The following JAKMIP2 variants were observed in gnomAD, a reference collection of about 807,000 sequenced individuals.
JAKMIP2 encodes janus kinase and microtubule-interacting protein 2.
In JAKMIP2, 25 loss-of-function variants were observed where a neutral mutation model predicts 115.0. The observed-to-expected ratio is 0.22, with a 90% CI of 0.16 to 0.30. The LOEUF (loss-of-function observed/expected upper bound fraction) is 0.30. Ranked by LOEUF, JAKMIP2 falls within the 10% of genes least tolerant of loss-of-function variation. The pLI, the probability that JAKMIP2 is intolerant of heterozygous loss-of-function variation, is 1.00. For missense variants in JAKMIP2, 642 were observed against 957.6 expected (o/e 0.67, Z 4.35); for synonymous variants, 334 against 343.6 (o/e 0.97, Z 0.31).
chr5:147,706,368 A>C (rs1184487393), intron 1 of JAKMIP2, among the ~76,000 whole-genome samples: 4 of 152,118 alleles, frequency 2.6e-5, no homozygotes, highest in Admixed American at 6.6e-5. Flanking sequence ...GGCAAGGAAG[A>C]GGCATGGGGA....
At chr5:147,671,573 G>A in intron 2 of JAKMIP2, 105 bp downstream of exon 2, 2 of 994,570 alleles carry the variant, frequency 2.0e-6, no homozygotes, top group Admixed American at 7.0e-5. Context: ...TCTGGCAAAG[G>A]GCAGGAGTCC....
chr5:147,629,036 G>T (rs1455391139), intron 15 of JAKMIP2, among the ~76,000 whole-genome samples: 1 of 152,110 alleles, frequency 6.6e-6, no homozygotes, highest in African/African-American at 2.4e-5. Context: ...ACACCGATTT[G>T]ATTTTGTGTC....
chr5:147,620,656 T>C lies in JAKMIP2; in HGVS notation c.2142+10A>G. 6.3e-7 allele frequency: 1 copy of C among 1,598,392 alleles called. No homozygotes were observed. The highest frequency in any genetic ancestry group is 2.2e-5 in the East Asian group (1 of 44,708). ...ATACTGCGGGTGTCTCTATCACTTG[T>C]TGTACCTACCATATATGCTTGGTCA... On this transcript the variant is annotated intron_variant, in intron 18 of 21. Coordinates refer to ENST00000616793, the MANE Select transcript of JAKMIP2 (RefSeq NM_001270941.2).
At chr5:147,772,144 A>C (rs1010593455) in intron 1 of JAKMIP2, among the ~76,000 whole-genome samples, 8 of 152,118 alleles carry the variant, frequency 5.3e-5, no homozygotes, top group Non-Finnish European at 1.0e-4. Flanking sequence ...CTTGAAAAAT[A>C]AAGTATTAAA....
chr5:147,702,616 GAAAGAA>G (rs1170150246), intron 1 of JAKMIP2, among the ~76,000 whole-genome samples: 2 of 59,608 alleles, frequency 3.4e-5, no homozygotes, highest in Admixed American at 2.1e-4. Context: ...AAGAAAGAAA[GAAAGAA>G]AGAAAGAAAG....
At chr5:147,610,188 G>A (rs922900837) in intron 20 of JAKMIP2, among the ~76,000 whole-genome samples, 4 of 152,030 alleles carry the variant, frequency 2.6e-5, no homozygotes, top group Admixed American at 6.6e-5. Context: ...CTGTCAATTC[G>A]TCAAACTAAT....
chr5:147,712,970 T>C (rs998805021), intron 1 of JAKMIP2, among the ~76,000 whole-genome samples: 8 of 152,140 alleles, frequency 5.3e-5, no homozygotes, highest in Non-Finnish European at 8.8e-5. Context: ...TTAAGGAATA[T>C]GGATAACGAT....
chr5:147,612,187 A>G, intron 20 of JAKMIP2, 119 bp downstream of exon 20: 1 of 788,748 alleles, frequency 1.3e-6, no homozygotes, highest in Non-Finnish European at 2.3e-6. Flanking sequence ...TACTGTAACT[A>G]TACCTGCCTC....
intron 19 of JAKMIP2, among the ~76,000 whole-genome samples, chr5:147,614,207 C>A (rs1209818627): frequency 2.6e-5 from 4 of 152,042 alleles, no homozygotes; most frequent in Non-Finnish European, 4.4e-5. Flanking sequence ...AGATAAGGCA[C>A]CAGTTAGTTC....
rs1754937116 is a variant in JAKMIP2, at chr5:147,587,811, A to G, written c.*3896T>C. On this transcript the variant is annotated 3_prime_UTR_variant, in exon 22 of 22. Coordinates refer to ENST00000616793, the MANE Select transcript of JAKMIP2 (RefSeq NM_001270941.2). ...AATACTGCAGCAAAATTTATTTGGC[A>G]AACTTTATTTCTCCTATTACTAGTG... is the stretch of plus-strand genomic sequence containing the variant. The G allele has an allele frequency of 1.3e-5, 2 of 152,186 alleles. No homozygotes were observed. The highest frequency in any genetic ancestry group is 4.8e-5 in the African/African-American group (2 of 41,444). 9.4% of individuals were successfully genotyped at this position (152,186 alleles called of 1,614,324 possible).
At chr5:147,668,394 C>T (rs1369866406) in intron 2 of JAKMIP2, among the ~76,000 whole-genome samples, 10 of 152,152 alleles carry the variant, frequency 6.6e-5, no homozygotes, top group Admixed American at 6.5e-4. Flanking sequence ...GGGGCAAATA[C>T]CGCAACTTAG....
intron 1 of JAKMIP2, among the ~76,000 whole-genome samples, chr5:147,711,869 TGCTGGCCAG>T (rs1752795477): frequency 6.6e-6 from 1 of 152,210 alleles, no homozygotes; most frequent in Non-Finnish European, 1.5e-5. Flanking sequence ...GGTTTTGCCA[TGCTGGCCAG>T]GCTGGTCTTG....
At position 147,748,806 on chromosome 5, in the gene JAKMIP2, C is replaced by A. The variant is rs371760285; in HGVS notation, c.-149+33650G>T. Among the ~76,000 whole-genome samples the A allele has an allele frequency of 9.8e-5, 15 of 152,310 alleles. No individual in the cohort carries two copies. In the East Asian group the frequency reaches 2.1e-3, roughly 22 times the overall value. On this transcript the variant is annotated intron_variant, in intron 1 of 21. Coordinates refer to ENST00000616793, the MANE Select transcript of JAKMIP2 (RefSeq NM_001270941.2). ...AAATAGCACACTTGGTCTGACCAAT[C>A]TTTTGTGCCCTATCTAAATCAGACA...
chr5:147,759,536 A>C (rs1310186762), intron 1 of JAKMIP2, among the ~76,000 whole-genome samples: 1 of 152,070 alleles, frequency 6.6e-6, no homozygotes, highest in African/African-American at 2.4e-5. Context: ...CAACTGAATA[A>C]AATACCAATC....
rs1756120737 is a variant in JAKMIP2 at position 147,608,031 on chromosome 5, AT to A, written c.2412+4274del. 2.6e-5 allele frequency among the ~76,000 whole-genome samples: 4 copies of A among 151,796 alleles called. No homozygotes were observed. In the South Asian group the frequency reaches 8.3e-4, roughly 32 times the overall value. On this transcript the variant is annotated intron_variant, in intron 20 of 21. Transcript: ENST00000616793. ...GATCAGTGGTGATCCCCCCTTTATC[AT>A]TTTTTATTGTGTCTATTTGATTCTT... is the stretch of plus-strand genomic sequence containing the variant.
chr5:147,746,469 A>T (rs1467493526), intron 1 of JAKMIP2, among the ~76,000 whole-genome samples: 1 of 152,038 alleles, frequency 6.6e-6, no homozygotes, highest in African/African-American at 2.4e-5. Context: ...ATATATAAAC[A>T]AATGAATATA....
intron 1 of JAKMIP2, among the ~76,000 whole-genome samples, chr5:147,696,932 C>G (rs1752128755): frequency 6.6e-6 from 1 of 152,146 alleles, no homozygotes; most frequent in African/African-American, 2.4e-5. Context: ...TTTAGGGTAT[C>G]TGGCAGAAGA....
chr5:147,627,093 TG>T (rs1424464276), intron 16 of JAKMIP2, among the ~76,000 whole-genome samples: 2 of 151,492 alleles, frequency 1.3e-5, no homozygotes, highest in African/African-American at 2.4e-5. Context: ...AAACAGGGGG[TG>T]GGGAGTGGAG....
chr5:147,596,876 A>AT (rs1364426338), intron 21 of JAKMIP2, among the ~76,000 whole-genome samples: 2 of 151,946 alleles, frequency 1.3e-5, no homozygotes, highest in East Asian at 3.9e-4. Context: ...CTAATACTTT[A>AT]TTTTTTTGGT....
Sources: allele counts gnomAD v4.1 joint callset (sites outside exome capture counted in the v4.1 genomes callset), GRCh38; gene constraint gnomAD v4.1.1; transcripts MANE v1.5; gene names NCBI Gene and HGNC (gene_info 2026-07-23, HGNC 2026-07-21).